Variants in DCDC1 observed in about 807,000 individuals in gnomAD.
DCDC1 encodes the protein doublecortin domain containing 1.
Under a neutral mutation model 178.3 loss-of-function variants are expected in DCDC1, and 200 were observed. The observed-to-expected ratio is 1.12, with a 90% CI of 1.00 to 1.26. DCDC1 has a LOEUF of 1.26. Among genes scored for constraint, DCDC1 ranks in the 50% most tolerant of loss-of-function variants. The probability of loss-of-function intolerance (pLI) is 0.00; values close to 1 mark genes in which losing one functional copy is unlikely to be tolerated. For synonymous variants in DCDC1, 690 were observed against 604.8 expected, an observed-to-expected ratio of 1.14 and a Z score of -2.07; for missense variants, 1,983 against 1,749.2, an observed-to-expected ratio of 1.13 and a Z score of -2.38.
intron 18 of DCDC1, among the ~76,000 whole-genome samples, chr11:31,068,837 T>C (rs551945689): frequency 1.9e-4 from 29 of 152,102 alleles, no homozygotes; most frequent in African/African-American, 6.3e-4. Flanking sequence ...AGGAAGAGAC[T>C]TTACTTCTCA....
intron 1 of DCDC1, among the ~76,000 whole-genome samples, chr11:31,346,853 T>C (rs1950843498): frequency 6.6e-6 from 1 of 152,206 alleles, no homozygotes; most frequent in African/African-American, 2.4e-5. Context: ...TTTCCTCTTG[T>C]ATGTGTTTGA....
At position 31,106,650 on chromosome 11, in the gene DCDC1, C is replaced by T; in HGVS notation, c.1751+147G>A. The T allele has an allele frequency of 1.7e-5, 11 of 631,942 alleles. No homozygotes were observed. In the South Asian group the frequency reaches 2.1e-4, roughly 12 times the overall value. 39.1% of individuals were successfully genotyped at this position (631,942 alleles called of 1,614,324 possible). On this transcript the variant is annotated intron_variant, in intron 13 of 38. Transcript: ENST00000684477. ...GAGATGTCATATTCCACCAACAATA[C>T]TGCCTTGCAAAAACACCTCTAAAAT...
intron 7 of DCDC1, among the ~76,000 whole-genome samples, chr11:31,279,210 T>C (rs1036797086): frequency 2.0e-5 from 3 of 152,168 alleles, no homozygotes; most frequent in Admixed American, 6.6e-5. Flanking sequence ...GTTTGAGTGT[T>C]GTGGTATTGG....
At chr11:31,048,548 A>T (rs1955014174) in intron 20 of DCDC1, among the ~76,000 whole-genome samples, 1 of 152,152 alleles carries the variant, frequency 6.6e-6, no homozygotes, top group Non-Finnish European at 1.5e-5. Context: ...ACATACAGAT[A>T]ACAAGTCAGT....
chr11:31,032,164 T>G (rs1458294284), intron 20 of DCDC1, among the ~76,000 whole-genome samples: 1 of 152,088 alleles, frequency 6.6e-6, no homozygotes. Flanking sequence ...GTCCATCAAA[T>G]AAATGAGAGG....
chr11:31,051,149 A>G (rs939853180), intron 20 of DCDC1, among the ~76,000 whole-genome samples: 3 of 152,158 alleles, frequency 2.0e-5, no homozygotes, highest in South Asian at 4.1e-4. Flanking sequence ...AATTCAGGAA[A>G]ATTTGGACAC....
intron 20 of DCDC1, among the ~76,000 whole-genome samples, chr11:31,017,838 C>A (rs568489379): frequency 6.6e-6 from 1 of 152,256 alleles, no homozygotes; most frequent in South Asian, 2.1e-4. Context: ...AGTGGTCCTC[C>A]CACATTGGCC....
chr11:31,237,676 T>C (rs1976622686), intron 9 of DCDC1, among the ~76,000 whole-genome samples: 4 of 151,950 alleles, frequency 2.6e-5, no homozygotes, highest in Admixed American at 2.0e-4. Context: ...CAGACATAAA[T>C]AGAAATTGCA....
intron 21 of DCDC1, among the ~76,000 whole-genome samples, chr11:30,951,139 A>G (rs116272175): frequency 0.022 from 3,384 of 152,212 alleles, 130 homozygotes; most frequent in African/African-American, 0.076. Flanking sequence ...CAAGAACCCC[A>G]AAGAATCTTA....
At chr11:31,157,370 A>ATATATATAT (rs566330824) in intron 9 of DCDC1, among the ~76,000 whole-genome samples, 179 of 110,920 alleles carry the variant, frequency 1.6e-3, no homozygotes, top group South Asian at 0.012. Context: ...AAAAAAAAAA[A>ATATATATAT]AAATATATAT....
At chr11:31,255,873 G>C (rs182707757) in intron 8 of DCDC1, among the ~76,000 whole-genome samples, 1 of 151,982 alleles carries the variant, frequency 6.6e-6, no homozygotes, top group Non-Finnish European at 1.5e-5. Context: ...TCATACTTTT[G>C]ATATCATTTC....
intron 20 of DCDC1, among the ~76,000 whole-genome samples, chr11:30,975,187 A>G (rs1950037127): frequency 6.6e-6 from 1 of 152,190 alleles, no homozygotes; most frequent in African/African-American, 2.4e-5. Flanking sequence ...TCATGATAAA[A>G]ACTATCAACA....
intron 9 of DCDC1, among the ~76,000 whole-genome samples, chr11:31,235,413 A>G (rs1373548582): frequency 6.6e-6 from 1 of 151,908 alleles, no homozygotes; most frequent in African/African-American, 2.4e-5. Flanking sequence ...GAAAAAAAAA[A>G]CACAACTTTC....
intron 17 of DCDC1, among the ~76,000 whole-genome samples, chr11:31,082,604 T>C (rs1957247387): frequency 6.6e-6 from 1 of 152,046 alleles, no homozygotes; most frequent in Non-Finnish European, 1.5e-5. Context: ...TAGATATCTA[T>C]ATCTATACAT....
At chr11:30,985,614 T>G (rs1228583731) in intron 20 of DCDC1, among the ~76,000 whole-genome samples, 2 of 152,156 alleles carry the variant, frequency 1.3e-5, no homozygotes, top group African/African-American at 2.4e-5. Context: ...CACTTTACCC[T>G]TACTAAAAGT....
At chr11:31,362,645 T>A (rs1194296801) in intron 1 of DCDC1, among the ~76,000 whole-genome samples, 1 of 152,120 alleles carries the variant, frequency 6.6e-6, no homozygotes, top group Non-Finnish European at 1.5e-5. Context: ...AAAAAACTCA[T>A]TAAAGAAATT....
At chr11:31,246,390 C>T (rs939985210) in intron 8 of DCDC1, among the ~76,000 whole-genome samples, 7 of 151,698 alleles carry the variant, frequency 4.6e-5, no homozygotes, top group Non-Finnish European at 7.4e-5. Context: ...AAATACTTGG[C>T]TATTGCTAAC....
intron 7 of DCDC1, among the ~76,000 whole-genome samples, chr11:31,269,032 A>C (rs1945367828): frequency 6.6e-6 from 1 of 152,210 alleles, no homozygotes. Context: ...GAGTTTTAAA[A>C]CTGGCATTAG....
chr11:31,204,718 A>T (rs948682827), intron 9 of DCDC1, among the ~76,000 whole-genome samples: 8 of 152,204 alleles, frequency 5.3e-5, no homozygotes, highest in Non-Finnish European at 5.9e-5. Flanking sequence ...GGAACTCAGG[A>T]GGCTGAGGCA....
Sources: allele counts gnomAD v4.1 joint callset (sites outside exome capture counted in the v4.1 genomes callset), GRCh38; gene constraint gnomAD v4.1.1; transcripts MANE v1.5; gene names NCBI Gene and HGNC (gene_info 2026-07-23, HGNC 2026-07-21).